GRB10: variants seen among roughly 807,000 people sequenced by gnomAD.
GRB10 encodes growth factor receptor bound protein 10.
A neutral mutation model predicts 80.9 loss-of-function variants in GRB10; 20 were observed. That is an observed-to-expected ratio of 0.25 (90% CI 0.17 to 0.36). GRB10 has a LOEUF of 0.36. Ranked by LOEUF, GRB10 falls within the 10% of genes least tolerant of loss-of-function variation. The pLI is 1.00. For synonymous variants in GRB10, 291 were observed against 291.5 expected, an observed-to-expected ratio of 1.00 and a Z score of 0.02; for missense variants, 548 against 747.7, an observed-to-expected ratio of 0.73 and a Z score of 3.12.
At chr7:50,764,307 C>T (rs2076100211) in intron 2 of GRB10, among the ~76,000 whole-genome samples, 1 of 152,350 alleles carries the variant, frequency 6.6e-6, no homozygotes, top group Non-Finnish European at 1.5e-5. Flanking sequence ...ACACATCAGG[C>T]TTGCTAGTGC....
intron 7 of GRB10, among the ~76,000 whole-genome samples, chr7:50,649,843 C>A (rs2057775569): frequency 6.6e-6 from 1 of 152,168 alleles, no homozygotes. Context: ...CGGACAATGA[C>A]CCCTTTTAGT....
At chr7:50,605,234 G>A (rs1056598970) in intron 15 of GRB10, 56 bp downstream of exon 15, 2 of 1,337,342 alleles carry the variant, frequency 1.5e-6, no homozygotes, top group African/African-American at 2.9e-5. Flanking sequence ...AAGACCACGT[G>A]GTGGGGCTAC....
At chr7:50,787,722 T>C (rs1214560357), upstream of GRB10, among the ~76,000 whole-genome samples, 1 of 152,162 alleles carries the variant, frequency 6.6e-6, no homozygotes, top group Admixed American at 6.5e-5. Context: ...CTCCATCACC[T>C]CACTAGGATC....
intron 13 of GRB10, among the ~76,000 whole-genome samples, chr7:50,607,790 G>C (rs1349382968): frequency 6.6e-6 from 1 of 152,156 alleles, no homozygotes; most frequent in Non-Finnish European, 1.5e-5. Context: ...TCCTGGCAAT[G>C]AGGACTCAGG....
intron 5 of GRB10, among the ~76,000 whole-genome samples, chr7:50,678,372 T>C (rs984935489): frequency 6.6e-6 from 1 of 152,238 alleles, no homozygotes; most frequent in African/African-American, 2.4e-5. Context: ...CAATAGGTTA[T>C]AATCTTCATA....
chr7:50,777,564 T>C (rs1169457059), intron 2 of GRB10, among the ~76,000 whole-genome samples: 1 of 152,132 alleles, frequency 6.6e-6, no homozygotes, highest in East Asian at 1.9e-4. Context: ...ACAGCTTTTT[T>C]TTTTAAGAGA....
chr7:50,778,070 G>A (rs141856787), intron 2 of GRB10, among the ~76,000 whole-genome samples: 114 of 152,168 alleles, frequency 7.5e-4, no homozygotes, highest in African/African-American at 2.2e-3. Flanking sequence ...CATGTATCCC[G>A]GAACTAAAGA....
chr7:50,792,077 T>TTTA (rs1562727553), intron 1 of GRB10, among the ~76,000 whole-genome samples: 1 of 152,166 alleles, frequency 6.6e-6, no homozygotes. Flanking sequence ...TGCTTGAAAC[T>TTTA]TTAAATAGAC....
intron 7 of GRB10, among the ~76,000 whole-genome samples, chr7:50,632,734 C>A (rs1040809090): frequency 6.6e-6 from 1 of 152,182 alleles, no homozygotes; most frequent in African/African-American, 2.4e-5. Context: ...GGAGTGTGAG[C>A]TGGCAGTCTC....
At chr7:50,751,950 C>A (rs1467871653) in intron 3 of GRB10, among the ~76,000 whole-genome samples, 1 of 152,058 alleles carries the variant, frequency 6.6e-6, no homozygotes, top group Non-Finnish European at 1.5e-5. Context: ...CAATATGTAA[C>A]CTCTTTTTAT....
At position 50,605,289 on chromosome 7, in the gene GRB10, C is replaced by A. The variant is rs561987533; in HGVS notation, c.1389+1G>T. 6.2e-7 allele frequency: 1 copy of A among 1,610,876 alleles called. No homozygotes were observed. Among genetic ancestry groups the A allele is most frequent in the African/African-American group, 1.3e-5 (1 of 75,030 alleles). On this transcript the variant is annotated splice_donor_variant, in intron 15 of 18. Coordinates refer to ENST00000401949, the MANE Select transcript of GRB10 (RefSeq NM_001350814.2). LOFTEE classifies it high-confidence loss of function. ...CAGGCTGGCCAGGGCCGGGGCCTTA[C>A]CCTCCAGGCGTGGCCCTCCTCCAGG... is the stretch of plus-strand genomic sequence containing the variant.
chr7:50,752,806 G>A (rs2074361435), intron 3 of GRB10, among the ~76,000 whole-genome samples: 1 of 152,202 alleles, frequency 6.6e-6, no homozygotes, highest in South Asian at 2.1e-4. Flanking sequence ...GGGATGTGAT[G>A]CTTTGAACCC....
chr7:50,692,562 C>CA (rs1441479445), intron 5 of GRB10, among the ~76,000 whole-genome samples: 1 of 152,074 alleles, frequency 6.6e-6, no homozygotes, highest in African/African-American at 2.4e-5. Context: ...CAGGACTTCC[C>CA]ACAAGAAGGG....
At chr7:50,775,160 C>CAAAAAAAAAAAAA (rs2077458154) in intron 2 of GRB10, among the ~76,000 whole-genome samples, 2 of 7,248 alleles carry the variant, frequency 2.8e-4, no homozygotes, top group Non-Finnish European at 6.2e-4. Flanking sequence ...GATCCTGTCT[C>CAAAAAAAAAAAAA]CAAAAAAAAA....
At chr7:50,712,122 G>A (rs1433344976) in intron 4 of GRB10, among the ~76,000 whole-genome samples, 2 of 152,134 alleles carry the variant, frequency 1.3e-5, no homozygotes, top group East Asian at 3.8e-4. Flanking sequence ...AAACATTAGT[G>A]AACTTGGTAA....
At chr7:50,763,362 G>A (rs533488078) in intron 2 of GRB10, among the ~76,000 whole-genome samples, 7 of 152,170 alleles carry the variant, frequency 4.6e-5, no homozygotes, top group Admixed American at 6.5e-5. Flanking sequence ...AAAGGACTGG[G>A]ACTACCCAGA....
chr7:50,684,736 A>G (rs1398386922), intron 5 of GRB10, among the ~76,000 whole-genome samples: 2 of 152,232 alleles, frequency 1.3e-5, no homozygotes, highest in Admixed American at 1.3e-4. Flanking sequence ...GTGACAGAGA[A>G]ACATACCCAC....
At chr7:50,665,087 A>G (rs908278352) in intron 7 of GRB10, among the ~76,000 whole-genome samples, 10 of 152,368 alleles carry the variant, frequency 6.6e-5, no homozygotes, top group African/African-American at 2.2e-4. Context: ...ATACCTTCCA[A>G]TGAAAGTCAC....
intron 4 of GRB10, among the ~76,000 whole-genome samples, chr7:50,720,578 G>A (rs1027623204): frequency 6.6e-6 from 1 of 151,942 alleles, no homozygotes; most frequent in Non-Finnish European, 1.5e-5. Context: ...AAACCCCAAG[G>A]AAAAATAACA....
Sources: allele counts gnomAD v4.1 joint callset (sites outside exome capture counted in the v4.1 genomes callset), GRCh38; gene constraint gnomAD v4.1.1; transcripts MANE v1.5; gene names NCBI Gene and HGNC (gene_info 2026-07-23, HGNC 2026-07-21).